Variants in S100Z observed in about 807,000 individuals in gnomAD.
S100Z encodes the protein S100 calcium binding protein Z.
A neutral mutation model predicts 8.5 loss-of-function variants in S100Z; 11 were observed. The ratio of observed to expected loss-of-function variants is 1.30; its 90% CI spans 0.82 to 2.15. S100Z has a LOEUF of 2.15. Ranked by LOEUF, S100Z falls within the 30% of genes most tolerant of loss-of-function variation. S100Z has a pLI of 0.00. For missense variants in S100Z, 126 were observed against 117.9 expected (o/e 1.07, Z -0.32); for synonymous variants, 34 against 43.8 (o/e 0.78, Z 0.89).
chr5:76,915,534 G>A (rs1288804648), intron 4 of S100Z, among the ~76,000 whole-genome samples: 4 of 151,646 alleles, frequency 2.6e-5, no homozygotes, highest in Non-Finnish European at 5.9e-5. Context: ...CGTGAACCCG[G>A]GAGGTGGAGC....
the S100Z span, among the ~76,000 whole-genome samples, chr5:76,944,399 C>T: frequency 6.6e-6 from 1 of 152,222 alleles, no homozygotes. Context: ...AACTTAGAGG[C>T]ATTTGCATTT....
intron 2 of S100Z, among the ~76,000 whole-genome samples, chr5:76,871,445 A>G (rs1000268652): frequency 1.3e-5 from 2 of 152,030 alleles, no homozygotes; most frequent in African/African-American, 4.8e-5. Context: ...TCTTAACTCA[A>G]GAATTTCTTT....
At chr5:76,855,602 C>T (rs935337188) in intron 1 of S100Z, among the ~76,000 whole-genome samples, 1 of 152,166 alleles carries the variant, frequency 6.6e-6, no homozygotes, top group Non-Finnish European at 1.5e-5. Context: ...GGAGTATTTA[C>T]CTAATATCTA....
chr5:76,938,179 A>C, the S100Z span, among the ~76,000 whole-genome samples: 112,867 of 151,996 alleles, frequency 0.74, 42,549 homozygotes, highest in East Asian at 0.93. Context: ...CAGGGGACTC[A>C]ATCAATGCCT....
At chr5:76,929,626 G>A in the S100Z span, among the ~76,000 whole-genome samples, 6 of 152,228 alleles carry the variant, frequency 3.9e-5, no homozygotes, top group African/African-American at 1.4e-4. Flanking sequence ...GATGGAAGCT[G>A]GGGTCATTAT....
At chr5:76,891,230 A>G (rs566760610) in intron 4 of S100Z, among the ~76,000 whole-genome samples, 4 of 152,352 alleles carry the variant, frequency 2.6e-5, no homozygotes, top group Non-Finnish European at 4.4e-5. Flanking sequence ...AAAATTTTAC[A>G]TCTTAAAAGC....
intron 4 of S100Z, among the ~76,000 whole-genome samples, chr5:76,910,220 C>G (rs1049012740): frequency 6.6e-6 from 1 of 152,184 alleles, no homozygotes; most frequent in African/African-American, 2.4e-5. Flanking sequence ...ATATACTCCC[C>G]TGTCACCCAA....
intron 4 of S100Z, among the ~76,000 whole-genome samples, chr5:76,916,924 G>A (rs895577858): frequency 3.3e-5 from 5 of 152,082 alleles, no homozygotes; most frequent in East Asian, 1.9e-4. Flanking sequence ...TTAGGAGTTC[G>A]AGACCAGCCT....
chr5:76,861,797 A>G (rs1751063614), intron 1 of S100Z, among the ~76,000 whole-genome samples: 5 of 152,240 alleles, frequency 3.3e-5, no homozygotes, highest in Admixed American at 2.6e-4. Flanking sequence ...AATTTGGGAA[A>G]TAAATAAGCA....
At chr5:76,863,583 G>T (rs556142190) in intron 1 of S100Z, among the ~76,000 whole-genome samples, 4 of 152,170 alleles carry the variant, frequency 2.6e-5, no homozygotes, top group East Asian at 1.9e-4. Flanking sequence ...CTGTTGCCCA[G>T]GCTGGAGTGC....
At chr5:76,950,193 T>C in the S100Z span, among the ~76,000 whole-genome samples, 1 of 152,238 alleles carries the variant, frequency 6.6e-6, no homozygotes, top group Non-Finnish European at 1.5e-5. Context: ...GGATTAGTGA[T>C]GTTCTAAGTT....
At chr5:76,927,691 T>A in the S100Z span, among the ~76,000 whole-genome samples, 7 of 152,200 alleles carry the variant, frequency 4.6e-5, no homozygotes, top group Non-Finnish European at 1.0e-4. Flanking sequence ...GAATTAAATT[T>A]CAGCTTATGA....
At chr5:76,892,887 AC>A in intron 4 of S100Z, among the ~76,000 whole-genome samples, 1 of 151,924 alleles carries the variant, frequency 6.6e-6, no homozygotes, top group Non-Finnish European at 1.5e-5. Context: ...TGGAGGGATG[AC>A]TCTCCTCCTC....
intron 1 of S100Z, among the ~76,000 whole-genome samples, chr5:76,862,476 G>T (rs893900987): frequency 6.6e-6 from 1 of 152,088 alleles, no homozygotes; most frequent in Non-Finnish European, 1.5e-5. Flanking sequence ...GCACCTAGGA[G>T]TGTTACAGAA....
chr5:76,903,387 A>C (rs917662577), intron 4 of S100Z, among the ~76,000 whole-genome samples: 10 of 152,030 alleles, frequency 6.6e-5, no homozygotes, highest in African/African-American at 2.2e-4. Context: ...TTAATCTATG[A>C]TTTTGTATAT....
the S100Z span, among the ~76,000 whole-genome samples, chr5:76,935,001 C>A: frequency 6.6e-6 from 1 of 152,132 alleles, no homozygotes; most frequent in Non-Finnish European, 1.5e-5. Flanking sequence ...CTCTTATAGT[C>A]ATGCCATATT....
downstream of S100Z, chr5:76,921,780 G>C (rs1745043650): frequency 6.6e-6 from 1 of 152,082 alleles, no homozygotes; most frequent in Non-Finnish European, 1.5e-5. Flanking sequence ...TTGAGGTCAG[G>C]AGTTAGAAAC....
chr5:76,941,704 C>T, the S100Z span, among the ~76,000 whole-genome samples: 25 of 146,350 alleles, frequency 1.7e-4, no homozygotes, highest in Non-Finnish European at 3.5e-4. Context: ...TACTCCCCAC[C>T]CACTCCACCC....
chr5:76,890,241 C>T (rs1428171855), intron 4 of S100Z, among the ~76,000 whole-genome samples: 2 of 152,178 alleles, frequency 1.3e-5, no homozygotes, highest in Non-Finnish European at 2.9e-5. Context: ...CCAGGCTGGT[C>T]TTGAACTCCT....
Sources: gnomAD v4.1 joint callset for allele counts (sites outside exome capture counted in the v4.1 genomes callset) on GRCh38, gnomAD v4.1.1 for gene constraint, MANE v1.5 for transcripts, NCBI Gene and HGNC (gene_info 2026-07-23, HGNC 2026-07-21) for gene names.